The following YAP1 variants were observed in gnomAD, a reference collection of about 807,000 sequenced individuals.
YAP1 encodes the protein transcriptional coactivator YAP1.
A neutral mutation model predicts 56.9 loss-of-function variants in YAP1; 5 were observed. The observed-to-expected ratio is 0.09, with a 90% CI of 0.05 to 0.18. The LOEUF (loss-of-function observed/expected upper bound fraction) is 0.18, where lower values mean the gene tolerates loss of function less well. Among genes scored for constraint, YAP1 ranks in the 10% least tolerant of loss-of-function variants. The pLI, the probability that YAP1 is intolerant of heterozygous loss-of-function variation, is 1.00. For synonymous variants in YAP1, 265 were observed against 248.1 expected (o/e 1.07, Z -0.64); for missense variants, 539 against 651.8 (o/e 0.83, Z 1.88).
intron 4 of YAP1, among the ~76,000 whole-genome samples, chr11:102,203,643 A>G (rs1484730082): frequency 1.3e-5 from 2 of 152,194 alleles, no homozygotes; most frequent in Non-Finnish European, 2.9e-5. Context: ...ATCTGTATTA[A>G]TTTTTCTACT....
At chr11:102,140,247 A>T (rs916350874) in intron 2 of YAP1, among the ~76,000 whole-genome samples, 1 of 152,156 alleles carries the variant, frequency 6.6e-6, no homozygotes, top group African/African-American at 2.4e-5. Context: ...TTTCAAGGAA[A>T]ATTTTATATA....
At position 102,227,499 on chromosome 11, in the gene YAP1, A is replaced by T. The variant is rs149875250; in HGVS notation, c.1194A>T (p.Thr398=). 54 of 1,613,828 alleles carry T rather than the reference A, an allele frequency of 3.3e-5. No homozygotes were observed. Among genetic ancestry groups the T allele is most frequent in the Non-Finnish European group, 4.2e-5 (49 of 1,179,944 alleles). Residue 398 remains threonine (T), a synonymous_variant, in exon 8 of 9, where the codon ACA becomes ACT. Coordinates refer to ENST00000282441, the MANE Select transcript of YAP1 (RefSeq NM_001130145.3). ...CCTATCACTCTCGAGATGAGAGTAC[A>T]GACAGTGGACTAAGCATGAGCAGCT... The part of the protein sequence containing the change: ...SGTYHSRDES[T]DSGLSMSSYS...
In YAP1 at chr11:102,209,254, C is replaced by T. The variant is rs547563599; in HGVS notation, c.985-263C>T. On this transcript the variant is annotated intron_variant, in intron 5 of 8. Coordinates refer to ENST00000282441, the MANE Select transcript of YAP1 (RefSeq NM_001130145.3). ...CTAATACTCAGAAACAAAGAACCTA[C>T]GTGACCAATATCAAATTTTATTTTT... Among the ~76,000 whole-genome samples the T allele has an allele frequency of 2.0e-5, 3 of 152,302 alleles. No homozygotes were observed. The South Asian group carries it at 6.2e-4, about 32-fold the overall frequency.
At chr11:102,182,927 A>G (rs1947713252) in intron 3 of YAP1, among the ~76,000 whole-genome samples, 1 of 152,246 alleles carries the variant, frequency 6.6e-6, no homozygotes, top group Non-Finnish European at 1.5e-5. Flanking sequence ...TAGGTTCTAC[A>G]TGATTTTAAG....
intron 4 of YAP1, among the ~76,000 whole-genome samples, chr11:102,187,912 C>A (rs574037789): frequency 6.6e-6 from 1 of 152,274 alleles, no homozygotes; most frequent in Admixed American, 6.5e-5. Flanking sequence ...TTTGGGCCCA[C>A]CGTGTGTGTA....
chr11:102,190,813 A>G (rs1044211867), intron 4 of YAP1, among the ~76,000 whole-genome samples: 6 of 151,924 alleles, frequency 3.9e-5, no homozygotes, highest in East Asian at 1.9e-4. Context: ...GCACACGCCT[A>G]TAATCCCAGC....
chr11:102,122,530 G>A lies in YAP1; in HGVS notation c.572+8136G>A, dbSNP rs144786029. On this transcript the variant is annotated intron_variant, in intron 2 of 8. Coordinates refer to ENST00000282441, the MANE Select transcript of YAP1 (RefSeq NM_001130145.3). Reference sequence around the variant, plus strand: ...TAGCCTGTGTGTAAACGTATATTTTGAAATTTAATTTTTAGGGAAGTAACC... The same window carrying A: ...TAGCCTGTGTGTAAACGTATATTTTAAAATTTAATTTTTAGGGAAGTAACC... Among the ~76,000 whole-genome samples, 885 of 152,228 alleles carry A rather than the reference G, an allele frequency of 5.8e-3. 10 individuals are homozygous for A. Among genetic ancestry groups the A allele is most frequent in the African/African-American group, 0.02 (846 of 41,514 alleles).
intron 4 of YAP1, among the ~76,000 whole-genome samples, chr11:102,189,565 T>TG (rs891689563): frequency 7.2e-5 from 11 of 152,174 alleles, no homozygotes; most frequent in Admixed American, 2.0e-4. Context: ...AAGCAAGTAA[T>TG]GAACAGTCCA....
chr11:102,141,035 C>A (rs1335387192), intron 2 of YAP1, among the ~76,000 whole-genome samples: 1 of 152,078 alleles, frequency 6.6e-6, no homozygotes, highest in Non-Finnish European at 1.5e-5. Context: ...ATGTTGTTGC[C>A]TCACCTTTGT....
intron 7 of YAP1, 119 bp downstream of exon 7, chr11:102,223,871 A>G: frequency 7.6e-7 from 1 of 1,312,306 alleles, no homozygotes; most frequent in Non-Finnish European, 1.0e-6. Flanking sequence ...CATAGCTGTA[A>G]ATGAATCTCT....
At chr11:102,145,736 A>G (rs1185441626) in intron 2 of YAP1, among the ~76,000 whole-genome samples, 2 of 152,220 alleles carry the variant, frequency 1.3e-5, no homozygotes, top group Non-Finnish European at 2.9e-5. Context: ...GAGCTTCACA[A>G]GTTTTCATCT....
chr11:102,161,802 A>G (rs1946307680), intron 2 of YAP1, among the ~76,000 whole-genome samples: 1 of 152,194 alleles, frequency 6.6e-6, no homozygotes, highest in Non-Finnish European at 1.5e-5. Context: ...AGCTGTTTTA[A>G]TTCCCAACTT....
intron 5 of YAP1, among the ~76,000 whole-genome samples, chr11:102,206,987 A>G (rs951649833): frequency 1.3e-5 from 2 of 152,306 alleles, no homozygotes; most frequent in Non-Finnish European, 2.9e-5. Context: ...GCTTTCTTCC[A>G]GAAGGTACTG....
intron 3 of YAP1, among the ~76,000 whole-genome samples, chr11:102,164,354 A>G (rs1946473025): frequency 6.6e-6 from 1 of 152,148 alleles, no homozygotes; most frequent in Non-Finnish European, 1.5e-5. Flanking sequence ...AAATTTTAAG[A>G]CAAAAATTGT....
At chr11:102,209,379 T>C in intron 5 of YAP1, 138 bp from the exon 6 acceptor site, 1 of 757,422 alleles carries the variant, frequency 1.3e-6, no homozygotes, top group Non-Finnish European at 2.1e-6. Context: ...GCTCCTGTCT[T>C]CGTCAGTCTG....
Position 102,209,503 on chromosome 11 carries a change from T to C in YAP1, c.985-14T>C, listed in dbSNP as rs756385931. The C allele has an allele frequency of 1.9e-6, 3 of 1,603,552 alleles. No individual in the cohort carries two copies. The highest frequency in any genetic ancestry group is 1.7e-5 in the Admixed American group (1 of 57,806). On this transcript the variant is annotated splice_polypyrimidine_tract_variant and intron_variant, in intron 5 of 8. Coordinates refer to ENST00000282441, the MANE Select transcript of YAP1 (RefSeq NM_001130145.3). Reference sequence around the variant, plus strand: ...CTTAAAGTAATTTTTATCCGTCTTATTTTTTACTCTTAGGCAATGCGGAAT... The same window carrying C: ...CTTAAAGTAATTTTTATCCGTCTTACTTTTTACTCTTAGGCAATGCGGAAT...
chr11:102,121,587 A>G (rs1448620534), intron 2 of YAP1, among the ~76,000 whole-genome samples: 3 of 151,982 alleles, frequency 2.0e-5, no homozygotes, highest in Non-Finnish European at 2.9e-5. Context: ...TGTCTATGCT[A>G]CCTCCCATGC....
At chr11:102,129,219 A>G (rs1944228860) in intron 2 of YAP1, among the ~76,000 whole-genome samples, 1 of 151,854 alleles carries the variant, frequency 6.6e-6, no homozygotes, top group South Asian at 2.1e-4. Context: ...CTAATAGACC[A>G]TTGTTGATGT....
chr11:102,125,408 G>A (rs914462755), intron 2 of YAP1, among the ~76,000 whole-genome samples: 58 of 121,786 alleles, frequency 4.8e-4, no homozygotes, highest in Non-Finnish European at 1.5e-4. Flanking sequence ...ACAGAGCTTC[G>A]CACTGTTGCC....
Sources: gnomAD v4.1 joint callset for allele counts (sites outside exome capture counted in the v4.1 genomes callset) on GRCh38, gnomAD v4.1.1 for gene constraint, MANE v1.5 for transcripts, NCBI Gene and HGNC (gene_info 2026-07-23, HGNC 2026-07-21) for gene names.